Variants in AXDND1 observed in about 807,000 individuals in gnomAD.
AXDND1 encodes the protein axonemal dynein light chain domain-containing protein 1.
AXDND1 carries 110 observed loss-of-function variants against 137.5 expected under a neutral mutation model. That is an observed-to-expected ratio of 0.80 (90% confidence interval 0.69 to 0.94). The LOEUF (loss-of-function observed/expected upper bound fraction) is 0.94, where lower values mean the gene tolerates loss of function less well. Ranked by LOEUF, AXDND1 falls within the 40% of genes least tolerant of loss-of-function variation. AXDND1 has a pLI of 0.00. For missense variants in AXDND1, 1,191 were observed against 1,169.8 expected, an observed-to-expected ratio of 1.02 and a Z score of -0.26; for synonymous variants, 414 against 399.7, an observed-to-expected ratio of 1.04 and a Z score of -0.43.
intron 11 of AXDND1, among the ~76,000 whole-genome samples, chr1:179,405,928 CTT>C (rs936629153): frequency 9.9e-5 from 15 of 151,672 alleles, no homozygotes; most frequent in African/African-American, 3.6e-4. Context: ...TTTTTTCTCT[CTT>C]TTCTAGTTCC....
intron 12 of AXDND1, 54 bp downstream of exon 12, chr1:179,411,320 C>T: frequency 1.9e-6 from 3 of 1,574,696 alleles, no homozygotes; most frequent in Non-Finnish European, 2.6e-6. Flanking sequence ...AAGATTCATT[C>T]TACAGTTTTA....
chr1:179,539,220 G>T (rs1159489246), intron 25 of AXDND1, among the ~76,000 whole-genome samples: 1 of 152,166 alleles, frequency 6.6e-6, no homozygotes, highest in Non-Finnish European at 1.5e-5. Context: ...ATGTGAATTT[G>T]AGCCTGTCAT....
intron 17 of AXDND1, among the ~76,000 whole-genome samples, chr1:179,472,765 A>AATT (rs1306915431): frequency 6.6e-6 from 1 of 152,128 alleles, no homozygotes; most frequent in African/African-American, 2.4e-5. Flanking sequence ...TATTTTTAGT[A>AATT]ACTTTTTAAA....
intron 3 of AXDND1, among the ~76,000 whole-genome samples, chr1:179,369,428 G>A (rs554809604): frequency 1.3e-3 from 192 of 152,268 alleles, no homozygotes; most frequent in Middle Eastern, 0.01. Context: ...GGCTGAGGCA[G>A]GCAGATCACG....
chr1:179,554,729 A>G lies in AXDND1; in HGVS notation c.*210A>G. ...GGTGCCACCCAATAAATATCTGTGC[A>G]ATTGAAGATGGTGTGGTATGCTGAA... On this transcript the variant is annotated 3_prime_UTR_variant, in exon 26 of 26. Transcript: ENST00000367618. The G allele has an allele frequency of 1.5e-6, 1 of 686,108 alleles. No individual in the cohort carries two copies. Among genetic ancestry groups the G allele is most frequent in the Admixed American group, 2.4e-5 (1 of 42,170 alleles). 42.5% of individuals were successfully genotyped at this position (686,108 alleles called of 1,614,324 possible).
intron 21 of AXDND1, among the ~76,000 whole-genome samples, chr1:179,515,858 T>G (rs1283657462): frequency 6.6e-6 from 1 of 152,210 alleles, no homozygotes; most frequent in Non-Finnish European, 1.5e-5. Flanking sequence ...AACAACAGAC[T>G]GCAGATAAGA....
At chr1:179,526,189 C>T (rs1430523829) in intron 22 of AXDND1, among the ~76,000 whole-genome samples, 1 of 152,018 alleles carries the variant, frequency 6.6e-6, no homozygotes, top group Non-Finnish European at 1.5e-5. Flanking sequence ...CACCAGACCT[C>T]TCCTCTCTTT....
intron 12 of AXDND1, among the ~76,000 whole-genome samples, chr1:179,413,461 A>G (rs1654199532): frequency 6.6e-6 from 1 of 152,098 alleles, no homozygotes; most frequent in Non-Finnish European, 1.5e-5. Flanking sequence ...ATGTATACCC[A>G]TTGTTTAGTT....
rs549385742 is a variant in AXDND1, at chr1:179,457,341, G to A, written c.1799-11102G>A. The A allele has an allele frequency of 8.6e-4, 466 of 540,502 alleles. 5 individuals are homozygous for A. Among genetic ancestry groups the A allele is most frequent in the Middle Eastern group, 6.4e-3 (12 of 1,884 alleles). The allele number at this position is 540,502 out of a possible 1,614,324, so 33.5% of individuals were successfully genotyped here. On this transcript the variant is annotated intron_variant, in intron 16 of 25. Coordinates refer to ENST00000367618, the MANE Select transcript of AXDND1 (RefSeq NM_144696.6). ...AGACTCTGAGTTAGACAAGACGGCCGGGAGAAGAGAGACTTTAATGATGCT... is the reference window on the plus strand; with the variant it reads ...AGACTCTGAGTTAGACAAGACGGCCAGGAGAAGAGAGACTTTAATGATGCT...
chr1:179,473,987 G>A (rs556267087), intron 17 of AXDND1, among the ~76,000 whole-genome samples: 1 of 152,216 alleles, frequency 6.6e-6, no homozygotes, highest in Admixed American at 6.5e-5. Context: ...ATTTTGGGAG[G>A]CCAACGTGGG....
intron 8 of AXDND1, among the ~76,000 whole-genome samples, chr1:179,384,620 C>T (rs1281649554): frequency 6.6e-6 from 1 of 152,136 alleles, no homozygotes; most frequent in Non-Finnish European, 1.5e-5. Context: ...TTTTGAAGAA[C>T]ACAAGCCAGT....
intron 25 of AXDND1, chr1:179,544,796 CT>C (rs1672502839): frequency 1.3e-5 from 2 of 152,048 alleles, no homozygotes; most frequent in South Asian, 2.1e-4. Context: ...TTTATCTGAT[CT>C]TTGCAATAAC....
intron 12 of AXDND1, among the ~76,000 whole-genome samples, chr1:179,411,871 G>T (rs1409627592): frequency 6.6e-6 from 1 of 151,468 alleles, no homozygotes; most frequent in Admixed American, 6.6e-5. Flanking sequence ...AAAAAACAGG[G>T]TCTCACTCTG....
chr1:179,527,733 A>G (rs752850200), intron 22 of AXDND1, among the ~76,000 whole-genome samples: 3 of 152,266 alleles, frequency 2.0e-5, no homozygotes, highest in South Asian at 2.1e-4. Context: ...TTACTTTACT[A>G]TACTCTGAGA....
intron 19 of AXDND1, 46 bp from the exon 20 acceptor site, chr1:179,492,809 T>A (rs759064652): frequency 1.6e-6 from 2 of 1,280,008 alleles, no homozygotes; most frequent in Non-Finnish European, 2.2e-6. Context: ...TTATGCTGAG[T>A]GTGTATTTGC....
chr1:179,377,708 T>G lies in AXDND1; in HGVS notation c.375-929T>G, dbSNP rs576807159. Among the ~76,000 whole-genome samples, 4 of 152,334 alleles carry G rather than the reference T, an allele frequency of 2.6e-5. No individual in the cohort carries two copies. In the East Asian group the frequency reaches 5.8e-4, roughly 22 times the overall value. On this transcript the variant is annotated intron_variant, in intron 4 of 25. Coordinates refer to ENST00000367618, the MANE Select transcript of AXDND1 (RefSeq NM_144696.6). The stretch of plus-strand genomic sequence containing the variant: ...CCAGGGAAGCATGGTAGAAGATAAC[T>G]GCTAAGAGATTGTTTAACTTGGCAG...
At chr1:179,446,667 T>C (rs967043460) in intron 16 of AXDND1, among the ~76,000 whole-genome samples, 1 of 152,236 alleles carries the variant, frequency 6.6e-6, no homozygotes, top group Non-Finnish European at 1.5e-5. Flanking sequence ...TCACATACTC[T>C]AATGATTCTT....
chr1:179,447,440 A>G (rs1214031392), intron 16 of AXDND1: 7 of 395,220 alleles, frequency 1.8e-5, no homozygotes, highest in Non-Finnish European at 9.0e-6. Flanking sequence ...TGTGTATTTA[A>G]GATAGTGTTG....
At chr1:179,378,494 G>A in intron 4 of AXDND1, 143 bp from the exon 5 acceptor site, 1 of 466,440 alleles carries the variant, frequency 2.1e-6, no homozygotes, top group South Asian at 6.5e-5. Context: ...CTCAGTCTTA[G>A]TAAAGTGTTA....
Sources: allele counts gnomAD v4.1 joint callset (sites outside exome capture counted in the v4.1 genomes callset), GRCh38; gene constraint gnomAD v4.1.1; transcripts MANE v1.5; gene names NCBI Gene and HGNC (gene_info 2026-07-23, HGNC 2026-07-21).